The following ZNF607 variants were observed in gnomAD, a reference collection of about 807,000 sequenced individuals.
ZNF607 encodes zinc finger protein 607.
Under a neutral mutation model 12.8 loss-of-function variants are expected in ZNF607, and 5 were observed. The observed-to-expected ratio is 0.39, with a 90% CI of 0.20 to 0.82. The LOEUF (loss-of-function observed/expected upper bound fraction) is 0.82. Ranked by LOEUF, ZNF607 falls within the 40% of genes least tolerant of loss-of-function variation. The pLI is 0.39. For synonymous variants in ZNF607, 287 were observed against 276.2 expected, an observed-to-expected ratio of 1.04 and a Z score of -0.39; for missense variants, 851 against 859.2, an observed-to-expected ratio of 0.99 and a Z score of 0.12.
intron 4 of ZNF607, 23 bp downstream of exon 4, chr19:37,707,891 G>A: frequency 6.3e-7 from 1 of 1,585,618 alleles, no homozygotes; most frequent in Non-Finnish European, 8.6e-7. Flanking sequence ...AAAAATGGCT[G>A]CCCCTGCCTG....
intron 4 of ZNF607, among the ~76,000 whole-genome samples, chr19:37,707,485 C>T (rs1044713992): frequency 1.3e-5 from 2 of 152,006 alleles, no homozygotes; most frequent in African/African-American, 4.8e-5. Context: ...TAGAACAATT[C>T]TGGGCCAGGC....
chr19:37,714,412 A>C (rs2045158355), intron 1 of ZNF607, among the ~76,000 whole-genome samples: 1 of 151,600 alleles, frequency 6.6e-6, no homozygotes. Context: ...AATTTTAAAA[A>C]AAATTAGCTG....
chr19:37,707,557 C>T (rs986082111), intron 4 of ZNF607, among the ~76,000 whole-genome samples: 15 of 152,026 alleles, frequency 9.9e-5, no homozygotes, highest in African/African-American at 2.2e-4. Flanking sequence ...AACACTTGAG[C>T]CCAGGAGTTT....
chr19:37,697,273 C>T lies in ZNF607; in HGVS notation c.*767G>A, dbSNP rs1258012225. ...TCCCCTACCACAATGTTCTGTACTCCACGGAATTGGTCAAAGATGGCAGCT... is the reference window on the plus strand; with the variant it reads ...TCCCCTACCACAATGTTCTGTACTCTACGGAATTGGTCAAAGATGGCAGCT... On this transcript the variant is annotated 3_prime_UTR_variant, in exon 5 of 5. Coordinates refer to ENST00000355202, the MANE Select transcript of ZNF607 (RefSeq NM_032689.5). 5 of 816,152 alleles carry T rather than the reference C, an allele frequency of 6.1e-6. No homozygotes were observed. Among genetic ancestry groups the T allele is most frequent in the Non-Finnish European group, 1.1e-5 (5 of 461,446 alleles). The allele number at this position is 816,152 out of a possible 1,614,324, so 50.6% of individuals were successfully genotyped here.
At chr19:37,714,821 CATT>C (rs1252473217) in intron 1 of ZNF607, among the ~76,000 whole-genome samples, 13 of 151,950 alleles carry the variant, frequency 8.6e-5, no homozygotes, top group African/African-American at 2.9e-4. Flanking sequence ...ACTGTAATAA[CATT>C]ATCATCAAAT....
In ZNF607 at chr19:37,699,721, G is replaced by C; in HGVS notation, c.410C>G (p.Thr137Ser). 1 of 1,614,044 alleles carries C rather than the reference G, an allele frequency of 6.2e-7. No individual in the cohort carries two copies. The highest frequency in any genetic ancestry group is 8.5e-7 in the Non-Finnish European group (1 of 1,179,988). Residue 137 changes from threonine to serine, a missense_variant, in exon 5 of 5, where the codon ACT (threonine) becomes AGT (serine). Physicochemically the swap from Thr to Ser is moderately conservative, Grantham distance 58 (BLOSUM62 1). Transcript: ENST00000355202. Reference sequence around the variant, plus strand: ...TTCACATTGATCAGGTTCCTCACTAGTATGAATTGTTTGATGTACCATGAG... The same window carrying C: ...TTCACATTGATCAGGTTCCTCACTACTATGAATTGTTTGATGTACCATGAG... Reference protein sequence around the residue: ...TELMVHQTIHTSEEPDQCEKF... With the variant: ...TELMVHQTIHSSEEPDQCEKF...
chr19:37,700,031 TA>T, intron 4 of ZNF607, 136 bp from the exon 5 acceptor site: 2 of 850,704 alleles, frequency 2.4e-6, no homozygotes, highest in Non-Finnish European at 3.5e-6. Context: ...AAAGGAGAGC[TA>T]AAAAAATGAG....
In ZNF607 at chr19:37,707,992, G is replaced by C. The variant is rs2145238074; in HGVS notation, c.157C>G (p.Pro53Ala). 8 of 1,613,616 alleles carry C rather than the reference G, an allele frequency of 5.0e-6. No homozygotes were observed. Among genetic ancestry groups the C allele is most frequent in the Non-Finnish European group, 6.8e-6 (8 of 1,179,820 alleles). Residue 53 changes from proline to alanine, a missense_variant, in exon 4 of 5, where the codon CCA becomes GCA. Transcript: ENST00000355202. ...VSLAGHSVSK[P>A]DLITLLEQGK... The stretch of plus-strand genomic sequence containing the variant: ...TGCTCCAATAAGGTGATTAAATCTG[G>C]CTTAGATACGGAATGTCCTGCTTAC...
rs1045413336 is a variant in ZNF607 at position 37,696,849 on chromosome 19, G to A, written c.*1191C>T. The A allele has an allele frequency of 7.3e-6, 6 of 821,558 alleles. No individual in the cohort carries two copies. The highest frequency in any genetic ancestry group is 1.0e-5 in the Non-Finnish European group (5 of 486,178). 50.9% of individuals were successfully genotyped at this position (821,558 alleles called of 1,614,324 possible). On this transcript the variant is annotated 3_prime_UTR_variant, in exon 5 of 5. Transcript: ENST00000355202. Reference sequence around the variant, plus strand: ...CAAATCTGGCGCTCTCTGCTTCCTGGGGGGCCACCTGTCTGTTAACTCCTT... The same window carrying A: ...CAAATCTGGCGCTCTCTGCTTCCTGAGGGGCCACCTGTCTGTTAACTCCTT...
Position 37,696,602 on chromosome 19 carries a change from C to T in ZNF607, c.*1438G>A. 1.7e-6 allele frequency: 1 copy of T among 574,206 alleles called. No individual in the cohort carries two copies. The highest frequency in any genetic ancestry group is 3.2e-6 in the Non-Finnish European group (1 of 312,660). The allele number at this position is 574,206 out of a possible 1,614,324, so 35.6% of individuals were successfully genotyped here. A position where few individuals can be genotyped will look rare whatever the true frequency, so the allele number is the denominator to read the frequency against. Reference sequence around the variant, plus strand: ...GTGGCCCAGTTGCCTCACGGAGGTGCAGGTAGGCTGGGGCCTCACTAGGGC... The same window carrying T: ...GTGGCCCAGTTGCCTCACGGAGGTGTAGGTAGGCTGGGGCCTCACTAGGGC... On this transcript the variant is annotated 3_prime_UTR_variant, in exon 5 of 5. Coordinates refer to ENST00000355202, the MANE Select transcript of ZNF607 (RefSeq NM_032689.5).
At position 37,696,937 on chromosome 19, in the gene ZNF607, C is replaced by A. The variant is rs892517834; in HGVS notation, c.*1103G>T. ...ATGAGCCCAAAGGTGGCTGCTCACT[C>A]CATAAGGTTGTTGCTCACCTGGCTG... On this transcript the variant is annotated 3_prime_UTR_variant, in exon 5 of 5. Transcript: ENST00000355202. The A allele has an allele frequency of 7.4e-6, 5 of 679,806 alleles. No individual in the cohort carries two copies. The highest frequency in any genetic ancestry group is 1.3e-5 in the Non-Finnish European group (5 of 372,160). 42.1% of individuals were successfully genotyped at this position (679,806 alleles called of 1,614,324 possible).
chr19:37,698,575 T>C lies in ZNF607; in HGVS notation c.1556A>G (p.Gln519Arg), dbSNP rs761766237. The C allele has an allele frequency of 6.2e-7, 1 of 1,611,972 alleles. No homozygotes were observed. Among genetic ancestry groups the C allele is most frequent in the Non-Finnish European group, 8.5e-7 (1 of 1,178,274 alleles). ...ECGKAFSVSG[Q>R]LTQHLSIHSG... ...GTGAATACTCAGATGCTGAGTAAGT[T>C]GTCCAGATACACTAAAGGCCTTCCC... The change falls in exon 5 of 5, where the codon CAA (glutamine) becomes CGA (arginine). Residue 519 changes from glutamine to arginine, a missense_variant. Physicochemically the swap from Gln to Arg is conservative, Grantham distance 43 (BLOSUM62 1). Transcript: ENST00000355202.
At chr19:37,699,986 T>C (rs1268364867) in intron 4 of ZNF607, 91 bp from the exon 5 acceptor site, 1 of 1,184,806 alleles carries the variant, frequency 8.4e-7, no homozygotes, top group Admixed American at 2.8e-5. Context: ...TTACAGATGC[T>C]AACTCGAAAA....
chr19:37,697,523 A>G lies in ZNF607; in HGVS notation c.*517T>C. The G allele has an allele frequency of 1.8e-6, 1 of 557,110 alleles. No homozygotes were observed. The highest frequency in any genetic ancestry group is 1.9e-5 in the South Asian group (1 of 53,140). The allele number at this position is 557,110 out of a possible 1,614,324, so 34.5% of individuals were successfully genotyped here. On this transcript the variant is annotated 3_prime_UTR_variant, in exon 5 of 5. Coordinates refer to ENST00000355202, the MANE Select transcript of ZNF607 (RefSeq NM_032689.5). Reference sequence around the variant, plus strand: ...TCATCATTTATATATGATCCCCAGAAGGGATAAATATCTTCCCCCATATCA... The same window carrying G: ...TCATCATTTATATATGATCCCCAGAGGGGATAAATATCTTCCCCCATATCA...
Position 37,697,190 on chromosome 19 carries a change from A to T in ZNF607, c.*850T>A. ...TGATGACTGGCGCACTACGTGGTTG[A>T]GAACAGCAGTCAAAGATAATTGGTT... On this transcript the variant is annotated 3_prime_UTR_variant, in exon 5 of 5. Transcript: ENST00000355202. 1 of 734,542 alleles carries T rather than the reference A, an allele frequency of 1.4e-6. No homozygotes were observed. The highest frequency in any genetic ancestry group is 1.4e-5 in the South Asian group (1 of 71,250). 45.5% of individuals were successfully genotyped at this position (734,542 alleles called of 1,614,324 possible).
chr19:37,713,599 C>T (rs2045149704), intron 1 of ZNF607, among the ~76,000 whole-genome samples: 1 of 151,970 alleles, frequency 6.6e-6, no homozygotes, highest in Admixed American at 6.6e-5. Flanking sequence ...GCCACCATAC[C>T]CACCTAATTT....
Position 37,696,960 on chromosome 19 carries a change from C to T in ZNF607, c.*1080G>A. ...CTCCATAAGGTTGTTGCTCACCTGG[C>T]TGGAGACCAGCTCCCTCTGGGTGAT... On this transcript the variant is annotated 3_prime_UTR_variant, in exon 5 of 5. Transcript: ENST00000355202. 2 of 694,342 alleles carry T rather than the reference C, an allele frequency of 2.9e-6. No homozygotes were observed. Among genetic ancestry groups the T allele is most frequent in the South Asian group, 3.0e-5 (2 of 66,078 alleles). 43.0% of individuals were successfully genotyped at this position (694,342 alleles called of 1,614,324 possible). A position where few individuals can be genotyped will look rare whatever the true frequency, so the allele number is the denominator to read the frequency against.
At chr19:37,709,329 T>C (rs2045112193) in intron 3 of ZNF607, among the ~76,000 whole-genome samples, 2 of 152,242 alleles carry the variant, frequency 1.3e-5, no homozygotes, top group South Asian at 4.1e-4. Context: ...GATCAGATAA[T>C]AAAATGGAGC....
intron 3 of ZNF607, among the ~76,000 whole-genome samples, chr19:37,709,441 C>T (rs1454729658): frequency 6.6e-6 from 1 of 152,138 alleles, no homozygotes; most frequent in Non-Finnish European, 1.5e-5. Context: ...ACTGGTTCAA[C>T]CCACTTACTG....
Sources: allele counts gnomAD v4.1 joint callset (sites outside exome capture counted in the v4.1 genomes callset), GRCh38; gene constraint gnomAD v4.1.1; transcripts MANE v1.5; gene names NCBI Gene and HGNC (gene_info 2026-07-23, HGNC 2026-07-21).